Variants in LARS2 observed in about 807,000 individuals in gnomAD.
LARS2 encodes the protein leucyl-tRNA synthetase 2, mitochondrial.
In LARS2, 81 loss-of-function variants were observed where a neutral mutation model predicts 116.6. The ratio of observed to expected loss-of-function variants is 0.69; its 90% CI spans 0.58 to 0.84. The LOEUF (loss-of-function observed/expected upper bound fraction) is 0.84. Ranked by LOEUF, LARS2 falls within the 40% of genes least tolerant of loss-of-function variation. LARS2 has a pLI of 0.00. For missense variants in LARS2, 968 were observed against 1,114.5 expected (o/e 0.87, Z 1.87); for synonymous variants, 396 against 407.2 (o/e 0.97, Z 0.33).
At chr3:45,537,252 G>C (rs1700720853) in intron 20 of LARS2, among the ~76,000 whole-genome samples, 1 of 152,204 alleles carries the variant, frequency 6.6e-6, no homozygotes, top group Admixed American at 6.5e-5. Context: ...TGAGAGCACA[G>C]TGAGAGAGCC....
At chr3:45,500,628 A>G in intron 15 of LARS2, 49 bp downstream of exon 15, 1 of 1,403,518 alleles carries the variant, frequency 7.1e-7, no homozygotes, top group Non-Finnish European at 9.6e-7. Flanking sequence ...ATGAATAGCA[A>G]CTTTAAGCAG....
At chr3:45,402,410 A>G (rs1424990587) in intron 4 of LARS2, among the ~76,000 whole-genome samples, 1 of 152,230 alleles carries the variant, frequency 6.6e-6, no homozygotes, top group East Asian at 1.9e-4. Flanking sequence ...GGTAATCAGC[A>G]AACCTACAAA....
At chr3:45,408,346 A>C (rs937327962) in intron 4 of LARS2, among the ~76,000 whole-genome samples, 27 of 152,320 alleles carry the variant, frequency 1.8e-4, no homozygotes, top group Middle Eastern at 6.8e-3. Flanking sequence ...TGTTTTTGTC[A>C]TCAGTAACTC....
intron 4 of LARS2, among the ~76,000 whole-genome samples, chr3:45,407,654 A>G (rs897093997): frequency 7.2e-5 from 11 of 152,248 alleles, no homozygotes; most frequent in Non-Finnish European, 1.3e-4. Flanking sequence ...CATACTCCAA[A>G]GACACCATGA....
chr3:45,496,308 G>T lies in LARS2; in HGVS notation c.1557G>T (p.Thr519=). The change falls in exon 14 of 22, where the codon ACG becomes ACT. Residue 519 remains threonine (T), a synonymous_variant. Transcript: ENST00000645846. The stretch of plus-strand genomic sequence containing the variant: ...GAGCAGCCAAGAGAGAGACAGACAC[G>T]ATGGATACCTTTGTTGATTCTGCTT... ...CKGAAKRETD[T]MDTFVDSAWY... 2 of 1,614,052 alleles carry T rather than the reference G, an allele frequency of 1.2e-6. No homozygotes were observed. Among genetic ancestry groups the T allele is most frequent in the Non-Finnish European group, 1.7e-6 (2 of 1,179,930 alleles).
chr3:45,389,640 G>A (rs540603526), intron 1 of LARS2, among the ~76,000 whole-genome samples: 1 of 152,202 alleles, frequency 6.6e-6, no homozygotes, highest in Non-Finnish European at 1.5e-5. Flanking sequence ...TTCTTTGGAA[G>A]GTTGTGGAAG....
At chr3:45,451,005 T>C in intron 7 of LARS2, among the ~76,000 whole-genome samples, 1 of 152,222 alleles carries the variant, frequency 6.6e-6, no homozygotes, top group Non-Finnish European at 1.5e-5. Flanking sequence ...GAAATGTCTA[T>C]ATAGGTGTTT....
intron 2 of LARS2, among the ~76,000 whole-genome samples, chr3:45,393,203 A>G (rs1438409056): frequency 1.3e-5 from 2 of 152,288 alleles, no homozygotes; most frequent in South Asian, 4.1e-4. Context: ...CACATGTTAT[A>G]TATTTTTGTT....
At chr3:45,516,459 A>G (rs1700371034) in intron 17 of LARS2, among the ~76,000 whole-genome samples, 183 bp downstream of exon 17, 1 of 152,220 alleles carries the variant, frequency 6.6e-6, no homozygotes, top group Admixed American at 6.5e-5. Context: ...TGACAAACAT[A>G]AGCGAGCCTC....
chr3:45,548,849 A>T lies in LARS2; in HGVS notation c.*1319A>T, dbSNP rs954623299. 2 of 152,234 alleles carry T rather than the reference A, an allele frequency of 1.3e-5. No homozygotes were observed. Among genetic ancestry groups the T allele is most frequent in the Non-Finnish European group, 2.9e-5 (2 of 68,040 alleles). The allele number at this position is 152,234 out of a possible 1,614,324, so 9.4% of individuals were successfully genotyped here. A position where few individuals can be genotyped will look rare whatever the true frequency, so the allele number is the denominator to read the frequency against. The stretch of plus-strand genomic sequence containing the variant: ...TTTATCATCTATGACTTCAGGACAT[A>T]TGTGTGATCCTGGAATACACCATAT... On this transcript the variant is annotated 3_prime_UTR_variant, in exon 22 of 22. Coordinates refer to ENST00000645846, the MANE Select transcript of LARS2 (RefSeq NM_015340.4).
rs115924051 is a variant in LARS2 at position 45,510,339 on chromosome 3, A to G, written c.1761-2796A>G. Among the ~76,000 whole-genome samples the G allele has an allele frequency of 2.2e-3, 336 of 152,158 alleles. 2 individuals are homozygous for G. Among genetic ancestry groups the G allele is most frequent in the African/African-American group, 7.1e-3 (296 of 41,568 alleles). On this transcript the variant is annotated intron_variant, in intron 15 of 21. Coordinates refer to ENST00000645846, the MANE Select transcript of LARS2 (RefSeq NM_015340.4). ...TAAGGTGGGAATATCACTTGAGCCC[A>G]GGAGACTGAGGCTGCAGTGAGCTGT...
chr3:45,412,860 A>G (rs912659043), intron 4 of LARS2, among the ~76,000 whole-genome samples: 2 of 152,230 alleles, frequency 1.3e-5, no homozygotes, highest in African/African-American at 2.4e-5. Flanking sequence ...GGCAAAGTCT[A>G]CTGTAGGGCA....
intron 7 of LARS2, among the ~76,000 whole-genome samples, chr3:45,454,274 G>A (rs1699180114): frequency 6.6e-6 from 1 of 152,200 alleles, no homozygotes; most frequent in Non-Finnish European, 1.5e-5. Context: ...AAAAATGCCT[G>A]CTCCCACTGA....
chr3:45,532,727 C>G (rs1183757931), intron 20 of LARS2, among the ~76,000 whole-genome samples: 1 of 152,042 alleles, frequency 6.6e-6, no homozygotes, highest in African/African-American at 2.4e-5. Flanking sequence ...CTGCAACTTC[C>G]GCCTCCCGGG....
intron 20 of LARS2, among the ~76,000 whole-genome samples, chr3:45,537,044 G>A (rs986902997): frequency 6.6e-6 from 1 of 150,784 alleles, no homozygotes; most frequent in Non-Finnish European, 1.5e-5. Flanking sequence ...GTGTGTGTGT[G>A]TGTGTGTGTG....
At chr3:45,389,627 T>C (rs1697904416) in intron 1 of LARS2, among the ~76,000 whole-genome samples, 1 of 152,138 alleles carries the variant, frequency 6.6e-6, no homozygotes, top group African/African-American at 2.4e-5. Flanking sequence ...TAGTGGGAAT[T>C]GATTCTTTGG....
chr3:45,524,106 C>A lies in LARS2; in HGVS notation c.2402C>A (p.Ala801Glu). 1 of 1,599,074 alleles carries A rather than the reference C, an allele frequency of 6.3e-7. No individual in the cohort carries two copies. Among genetic ancestry groups the A allele is most frequent in the Non-Finnish European group, 8.6e-7 (1 of 1,166,264 alleles). ...LAPHVTSEIW[A>E]GLALVPRKLC... ...CCTCATGTAACCTCAGAGATCTGGGCAGGTACGTGGCAGAGTCCTTTTTTG... is the reference window on the plus strand; with the variant it reads ...CCTCATGTAACCTCAGAGATCTGGGAAGGTACGTGGCAGAGTCCTTTTTTG... The change falls in exon 20 of 22, where the codon GCA becomes GAA. Residue 801 changes from alanine (A) to glutamate (E), a missense_variant and splice_region_variant. Ala to Glu is a moderately radical substitution (Grantham distance 107). Transcript: ENST00000645846.
intron 19 of LARS2, among the ~76,000 whole-genome samples, chr3:45,522,413 T>G (rs138649093): frequency 5.3e-4 from 81 of 152,160 alleles, no homozygotes; most frequent in Non-Finnish European, 8.7e-4. Context: ...CAGAAACTGT[T>G]TATGATATAA....
At chr3:45,506,574 C>T (rs964208532) in intron 15 of LARS2, among the ~76,000 whole-genome samples, 3 of 152,064 alleles carry the variant, frequency 2.0e-5, no homozygotes, top group African/African-American at 7.2e-5. Context: ...GATGATAGTA[C>T]AGCTATTCCA....
Sources: allele counts gnomAD v4.1 joint callset (sites outside exome capture counted in the v4.1 genomes callset), GRCh38; gene constraint gnomAD v4.1.1; transcripts MANE v1.5; gene names NCBI Gene and HGNC (gene_info 2026-07-23, HGNC 2026-07-21).